ASIP: variants seen among roughly 807,000 people sequenced by gnomAD.
ASIP encodes agouti signaling protein.
In ASIP, 11 loss-of-function variants were observed where a neutral mutation model predicts 10.3. That is an observed-to-expected ratio of 1.07 (90% CI 0.68 to 1.78). The LOEUF (loss-of-function observed/expected upper bound fraction) is 1.78. Ranked by LOEUF, ASIP falls within the 40% of genes most tolerant of loss-of-function variation. The pLI is 0.00. For synonymous variants in ASIP, 70 were observed against 70.8 expected (o/e 0.99, Z 0.06); for missense variants, 180 against 169.2 (o/e 1.06, Z -0.35).
At chr20:34,222,337 C>T (rs1229412472) in intron 1 of ASIP, among the ~76,000 whole-genome samples, 1 of 151,568 alleles carries the variant, frequency 6.6e-6, no homozygotes, top group Non-Finnish European at 1.5e-5. Flanking sequence ...TGATCTACAG[C>T]AAATAAGTAG....
upstream of ASIP, among the ~76,000 whole-genome samples, chr20:34,190,735 T>C (rs1008013136): frequency 6.6e-6 from 1 of 152,170 alleles, no homozygotes; most frequent in African/African-American, 2.4e-5. Context: ...TGCAGTCTTT[T>C]CTCCATACCA....
intron 1 of ASIP, among the ~76,000 whole-genome samples, chr20:34,223,552 G>T (rs1200038017): frequency 2.4e-5 from 3 of 126,668 alleles, no homozygotes; most frequent in Non-Finnish European, 3.0e-5. Context: ...AGGTGGGGGG[G>T]TCAGCCCCCC....
chr20:34,195,286 C>T (rs2034848020), intron 1 of ASIP, among the ~76,000 whole-genome samples: 1 of 152,126 alleles, frequency 6.6e-6, no homozygotes, highest in Admixed American at 6.5e-5. Flanking sequence ...AAAGAGCAAA[C>T]CCAGGGCGTA....
chr20:34,197,886 G>A (rs1026542585), intron 1 of ASIP, among the ~76,000 whole-genome samples: 1 of 152,004 alleles, frequency 6.6e-6, no homozygotes, highest in Admixed American at 6.6e-5. Flanking sequence ...ACCGCCTCAG[G>A]GGTTCCATCT....
At chr20:34,238,825 T>C (rs940455706), upstream of ASIP, among the ~76,000 whole-genome samples, 11 of 152,210 alleles carry the variant, frequency 7.2e-5, no homozygotes, top group Non-Finnish European at 1.5e-4. Flanking sequence ...GTTACTGTTT[T>C]TTGTTATTGT....
intron 1 of ASIP, among the ~76,000 whole-genome samples, chr20:34,253,992 G>A (rs954648336): frequency 4.6e-5 from 7 of 152,192 alleles, no homozygotes; most frequent in African/African-American, 1.7e-4. Flanking sequence ...AGAGTGGAAA[G>A]ACAGTTGAGA....
At position 34,269,058 on chromosome 20, in the gene ASIP, G is replaced by C. The variant is rs776744511; in HGVS notation, c.290G>C (p.Arg97Pro). ...TPLSAPCVAT[R>P]NSCKPPAPAC... ...CTATCTGCGCCCTGCGTGGCCACCC[G>C]CAACAGCTGCAAGCCGCCGGCACCC... The change falls in exon 4 of 4, where the codon CGC becomes CCC. Residue 97 changes from arginine (R) to proline (P), a missense_variant. Arg to Pro is a moderately radical substitution (Grantham distance 103). Transcript: ENST00000374954. 6.3e-7 allele frequency: 1 copy of C among 1,596,434 alleles called. No homozygotes were observed. Among genetic ancestry groups the C allele is most frequent in the Non-Finnish European group, 8.5e-7 (1 of 1,172,296 alleles).
At chr20:34,191,728 C>T (rs929871650), upstream of ASIP, among the ~76,000 whole-genome samples, 159 of 135,708 alleles carry the variant, frequency 1.2e-3, no homozygotes, top group African/African-American at 5.3e-3. Flanking sequence ...CTCTCTCTCT[C>T]TCTTTTTTTT....
At chr20:34,245,875 T>TTCTACA in intron 1 of ASIP, 1 of 1,006,790 alleles carries the variant, frequency 9.9e-7, no homozygotes, top group Non-Finnish European at 1.3e-6. Context: ...TATATATATA[T>TTCTACA]GTATATATAA....
In ASIP at chr20:34,260,504, C is replaced by T. The variant is rs1477724703; in HGVS notation, c.130C>T (p.Leu44=). ...RSLRSNSSVN[L]LDVPSVSIVA... ...CCTGAGAAGCAACTCCTCTGTGAACCTACTGGATGTCCCTTCTGTCTCTAT... is the reference window on the plus strand; with the variant it reads ...CCTGAGAAGCAACTCCTCTGTGAACTTACTGGATGTCCCTTCTGTCTCTAT... The change falls in exon 2 of 4, where the codon CTA becomes TTA. Residue 44 remains leucine (L), a synonymous_variant. Transcript: ENST00000374954. 2.5e-6 allele frequency: 4 copies of T among 1,613,644 alleles called. No individual in the cohort carries two copies. Among genetic ancestry groups the T allele is most frequent in the South Asian group, 1.1e-5 (1 of 91,010 alleles).
intron 1 of ASIP, among the ~76,000 whole-genome samples, chr20:34,218,248 G>T (rs1255158191): frequency 6.6e-6 from 1 of 152,148 alleles, no homozygotes; most frequent in Non-Finnish European, 1.5e-5. Context: ...GAGCATGGAG[G>T]TTTGGCTTCA....
chr20:34,253,973 C>T (rs752934014), intron 1 of ASIP, among the ~76,000 whole-genome samples: 5 of 152,196 alleles, frequency 3.3e-5, no homozygotes, highest in Non-Finnish European at 7.3e-5. Context: ...TAACAGTCTT[C>T]ATCATTGCAG....
At chr20:34,204,797 C>T (rs1442415687) in intron 1 of ASIP, among the ~76,000 whole-genome samples, 3 of 152,024 alleles carry the variant, frequency 2.0e-5, no homozygotes, top group Non-Finnish European at 2.9e-5. Flanking sequence ...TAAAATGAGC[C>T]TGTGATTTTT....
At chr20:34,211,265 T>C (rs1350165777) in intron 1 of ASIP, among the ~76,000 whole-genome samples, 1 of 152,212 alleles carries the variant, frequency 6.6e-6, no homozygotes, top group Non-Finnish European at 1.5e-5. Flanking sequence ...AAACTCCTGA[T>C]CTTAAATGAT....
intron 1 of ASIP, among the ~76,000 whole-genome samples, chr20:34,213,113 G>C (rs1051936601): frequency 6.6e-6 from 1 of 152,196 alleles, no homozygotes; most frequent in Non-Finnish European, 1.5e-5. Context: ...CCACGCTTGT[G>C]AATAGACCTA....
In ASIP at chr20:34,258,700, A is replaced by ATATATATATATATATATATACACACATAC. The variant is rs1555826880; in HGVS notation, c.-10-1656_-10-1655insATATATATATACACACATACTATATATAT. On this transcript the variant is annotated intron_variant, in intron 1 of 3. Coordinates refer to ENST00000374954, the MANE Select transcript of ASIP (RefSeq NM_001672.3). ...ATATATATATATATATACATACTAT[A>ATATATATATATATATATATACACACATAC]TATATATATTATATATATTATAAAA... 3.2e-3 allele frequency among the ~76,000 whole-genome samples: 246 copies of ATATATATATATATATATATACACACATAC among 77,910 alleles called. 25 individuals are homozygous for ATATATATATATATATATATACACACATAC. The highest frequency in any genetic ancestry group is 7.9e-3 in the South Asian group (18 of 2,286). The allele number at this position is 77,910 out of a possible 152,430, so 51.1% of individuals were successfully genotyped here.
intron 1 of ASIP, among the ~76,000 whole-genome samples, chr20:34,248,415 T>C (rs1317609779): frequency 1.3e-5 from 2 of 152,160 alleles, no homozygotes; most frequent in South Asian, 2.1e-4. Context: ...TCATTTTCAG[T>C]CAAAAACATT....
intron 3 of ASIP, among the ~76,000 whole-genome samples, chr20:34,265,343 T>C (rs2035765875): frequency 6.6e-6 from 1 of 151,850 alleles, no homozygotes. Context: ...AGCAACATGA[T>C]GAAACCTCAT....
intron 1 of ASIP, among the ~76,000 whole-genome samples, chr20:34,258,688 T>TATATATATATATATATATATATATAC (rs1277541256): frequency 4.7e-4 from 31 of 66,542 alleles, no homozygotes; most frequent in Non-Finnish European, 6.3e-4. Flanking sequence ...TATATATATA[T>TATATATATATATATATATATATATAC]ATACATACTA....
Sources: gnomAD v4.1 joint callset for allele counts (sites outside exome capture counted in the v4.1 genomes callset) on GRCh38, gnomAD v4.1.1 for gene constraint, MANE v1.5 for transcripts, NCBI Gene and HGNC (gene_info 2026-07-23, HGNC 2026-07-21) for gene names.